Variants in GFOD2 observed in about 807,000 individuals in gnomAD.
The protein encoded by GFOD2 is Gfo/Idh/MocA-like oxidoreductase domain containing 2.
GFOD2 carries 9 observed loss-of-function variants against 24.6 expected under a neutral mutation model. The ratio of observed to expected loss-of-function variants is 0.37; its 90% CI spans 0.22 to 0.64. The LOEUF is 0.64. Ranked by LOEUF, GFOD2 falls within the 30% of genes least tolerant of loss-of-function variation. The pLI is 0.65. For missense variants in GFOD2, 476 were observed against 532.5 expected, an observed-to-expected ratio of 0.89 and a Z score of 1.04; for synonymous variants, 211 against 224.8, an observed-to-expected ratio of 0.94 and a Z score of 0.55.
intron 2 of GFOD2, 182 bp downstream of exon 2, chr16:67,685,275 G>A: frequency 6.9e-7 from 1 of 1,441,854 alleles, no homozygotes; most frequent in South Asian, 1.5e-5. Context: ...TGGGAGGTAG[G>A]TTAGGCTATG....
At chr16:67,693,870 T>C (rs2053335304) in intron 1 of GFOD2, among the ~76,000 whole-genome samples, 1 of 152,146 alleles carries the variant, frequency 6.6e-6, no homozygotes, top group African/African-American at 2.4e-5. Context: ...TAGTGGGTTA[T>C]GATCATGCCA....
chr16:67,678,433 G>A lies in GFOD2; in HGVS notation c.260-2380C>T, dbSNP rs147279236. Among the ~76,000 whole-genome samples the A allele has an allele frequency of 8.2e-3, 1,207 of 147,438 alleles. 7 individuals are homozygous for A. Among genetic ancestry groups the A allele is most frequent in the African/African-American group, 0.023 (912 of 39,262 alleles). ...GGAGGTTGCGGTGAGCCAAGATTGC[G>A]CCATTGCACGCCAGCTTTGGCGACG... On this transcript the variant is annotated intron_variant, in intron 2 of 2. Transcript: ENST00000268797.
intron 2 of GFOD2, chr16:67,684,789 A>C (rs2053253442): frequency 2.0e-6 from 2 of 983,504 alleles, no homozygotes; most frequent in Non-Finnish European, 2.4e-6. Flanking sequence ...GAAGAAGTTG[A>C]CTCCAGTTGA....
At chr16:67,700,850 T>C (rs1027688768) in intron 1 of GFOD2, among the ~76,000 whole-genome samples, 2 of 144,918 alleles carry the variant, frequency 1.4e-5, no homozygotes, top group Non-Finnish European at 3.0e-5. Context: ...CTGGCCAACA[T>C]GGTGAAACCC....
rs1021770282 is a variant in GFOD2, at chr16:67,691,472, C to T, written c.-87-5670G>A. On this transcript the variant is annotated intron_variant, in intron 1 of 2. Coordinates refer to ENST00000268797, the MANE Select transcript of GFOD2 (RefSeq NM_030819.4). ...ATCTGCCCATCCTGGCCTCCCAAAG[C>T]GCTAGGATTACAGAAGCAAGTCACA... Among the ~76,000 whole-genome samples, 6 of 151,210 alleles carry T rather than the reference C, an allele frequency of 4.0e-5. No homozygotes were observed. In the East Asian group the frequency reaches 5.8e-4, roughly 15 times the overall value.
chr16:67,698,024 T>C (rs1039435423), intron 1 of GFOD2, among the ~76,000 whole-genome samples: 4 of 152,212 alleles, frequency 2.6e-5, no homozygotes, highest in African/African-American at 9.7e-5. Context: ...TTTTTGTCTC[T>C]GGAGTCAGAA....
intron 2 of GFOD2, chr16:67,680,298 G>C (rs1367260039): frequency 1.3e-5 from 2 of 152,246 alleles, no homozygotes; most frequent in Admixed American, 6.5e-5. Flanking sequence ...ATACACAAGA[G>C]GCTAGGGTGG....
At chr16:67,683,050 T>A in intron 2 of GFOD2, 1 of 324,312 alleles carries the variant, frequency 3.1e-6, no homozygotes, top group Non-Finnish European at 4.4e-6. Flanking sequence ...AGCCTCTATC[T>A]CCTGGGCTCA....
chr16:67,685,307 A>G, intron 2 of GFOD2, 150 bp downstream of exon 2: 1 of 1,469,482 alleles, frequency 6.8e-7, no homozygotes, highest in Non-Finnish European at 9.0e-7. Flanking sequence ...GCCCTCCCCA[A>G]GCACTGCTTC....
chr16:67,699,676 G>T (rs909771683), intron 1 of GFOD2, among the ~76,000 whole-genome samples: 3 of 152,040 alleles, frequency 2.0e-5, no homozygotes, highest in Admixed American at 6.5e-5. Flanking sequence ...TAGAGAAGGG[G>T]TTTTGCCATG....
intron 1 of GFOD2, among the ~76,000 whole-genome samples, chr16:67,710,508 C>T (rs1361358672): frequency 2.0e-5 from 3 of 152,128 alleles, no homozygotes; most frequent in South Asian, 4.1e-4. Flanking sequence ...GGACTACAGG[C>T]GCCTGCTACC....
intron 2 of GFOD2, chr16:67,680,888 C>T (rs1191453875): frequency 8.1e-6 from 8 of 985,436 alleles, no homozygotes; most frequent in Non-Finnish European, 9.6e-6. Flanking sequence ...CAATCTCCTG[C>T]TCTTCTTTAA....
intron 2 of GFOD2, chr16:67,682,564 ATC>A (rs1391439772): frequency 2.0e-6 from 2 of 985,280 alleles, no homozygotes; most frequent in Non-Finnish European, 2.4e-6. Context: ...TAAGGATGAA[ATC>A]GGAGGTAGAA....
intron 2 of GFOD2, chr16:67,676,375 C>A: frequency 3.3e-6 from 1 of 305,548 alleles, no homozygotes; most frequent in East Asian, 7.9e-5. Flanking sequence ...CCTTGGCCTC[C>A]CAAAGTGCTG....
intron 2 of GFOD2, chr16:67,681,636 C>T (rs1476354383): frequency 1.3e-6 from 1 of 759,020 alleles, no homozygotes; most frequent in African/African-American, 1.9e-5. Flanking sequence ...TATTTAACTC[C>T]TGAGTTCAAG....
intron 2 of GFOD2, chr16:67,682,819 C>T: frequency 1.0e-6 from 1 of 985,374 alleles, no homozygotes; most frequent in Non-Finnish European, 1.2e-6. Context: ...CCTTAATGCT[C>T]CTGGGCCTCA....
chr16:67,713,126 C>T (rs932438823), intron 1 of GFOD2, among the ~76,000 whole-genome samples: 5 of 150,280 alleles, frequency 3.3e-5, no homozygotes, highest in African/African-American at 1.3e-4. Context: ...TCAAGTGATC[C>T]GCCCACCTCG....
chr16:67,709,885 C>A (rs2053461663), intron 1 of GFOD2, among the ~76,000 whole-genome samples: 1 of 152,138 alleles, frequency 6.6e-6, no homozygotes, highest in Admixed American at 6.5e-5. Context: ...GTCTCAGCCT[C>A]CCAAAGTGTT....
chr16:67,710,720 C>T lies in GFOD2; in HGVS notation c.-88+8443G>A, dbSNP rs146389840. 7.4e-3 allele frequency among the ~76,000 whole-genome samples: 1,122 copies of T among 152,258 alleles called. 6 individuals carry two copies. Among genetic ancestry groups the T allele is most frequent in the African/African-American group, 0.021 (859 of 41,550 alleles). ...GATTTATAATGCACTTTGAGTTCCA[C>T]GTGAGAAAGGTTTCACACTCTGAGG... On this transcript the variant is annotated intron_variant, in intron 1 of 2. Coordinates refer to ENST00000268797, the MANE Select transcript of GFOD2 (RefSeq NM_030819.4).
Sources: allele counts gnomAD v4.1 joint callset (sites outside exome capture counted in the v4.1 genomes callset), GRCh38; gene constraint gnomAD v4.1.1; transcripts MANE v1.5; gene names NCBI Gene and HGNC (gene_info 2026-07-23, HGNC 2026-07-21).